The following AKAP6 variants were observed in gnomAD, a reference collection of about 807,000 sequenced individuals.
AKAP6 encodes the protein A-kinase anchoring protein 6.
AKAP6 carries 58 observed loss-of-function variants against 188.5 expected under a neutral mutation model. The observed-to-expected ratio is 0.31, with a 90% CI of 0.25 to 0.38. The LOEUF is 0.38. Among genes scored for constraint, AKAP6 ranks in the 10% least tolerant of loss-of-function variants. AKAP6 has a pLI of 1.00. For synonymous variants in AKAP6, 989 were observed against 998.6 expected (o/e 0.99, Z 0.18); for missense variants, 2,710 against 2,740.0 (o/e 0.99, Z 0.24).
intron 1 of AKAP6, among the ~76,000 whole-genome samples, chr14:32,411,012 A>G (rs895050601): frequency 1.3e-5 from 2 of 152,198 alleles, no homozygotes; most frequent in African/African-American, 4.8e-5. Flanking sequence ...CTCTGAGTAT[A>G]TGAGAGGGAA....
chr14:32,820,661 A>T (rs2034496041), intron 12 of AKAP6, among the ~76,000 whole-genome samples: 1 of 152,162 alleles, frequency 6.6e-6, no homozygotes, highest in South Asian at 2.1e-4. Flanking sequence ...TGTCACAGAT[A>T]GAGACTGGAA....
intron 2 of AKAP6, chr14:32,474,402 T>A (rs1183124687): frequency 6.6e-6 from 1 of 151,588 alleles, no homozygotes; most frequent in East Asian, 1.9e-4. Context: ...GTAGAATAAG[T>A]GAACCATATG....
intron 12 of AKAP6, among the ~76,000 whole-genome samples, chr14:32,815,763 C>T (rs2034362257): frequency 1.3e-5 from 2 of 152,208 alleles, no homozygotes; most frequent in Admixed American, 6.5e-5. Flanking sequence ...GGCTGCCAGT[C>T]ATTCCACCCC....
At chr14:32,365,637 G>A (rs953343801) in intron 1 of AKAP6, among the ~76,000 whole-genome samples, 9 of 152,192 alleles carry the variant, frequency 5.9e-5, no homozygotes, top group African/African-American at 1.4e-4. Flanking sequence ...CACTTGTACC[G>A]AAGTCGACTG....
In AKAP6 at chr14:32,735,678, C is replaced by A. The variant is rs199940158; in HGVS notation, c.3168C>A (p.Ile1056=). The A allele has an allele frequency of 9.8e-5, 158 of 1,607,038 alleles. No homozygotes were observed. Among genetic ancestry groups the A allele is most frequent in the Middle Eastern group, 6.7e-4 (4 of 6,006 alleles). The change falls in exon 11 of 14, where the codon ATC becomes ATA. Residue 1056 remains isoleucine (I), a synonymous_variant. Transcript: ENST00000280979. Reference sequence around the variant, plus strand: ...ATTAGAAAACCCTAGGAGAGAAGATCCAGGACACAATGGCAGGGCACAGTG... The same window carrying A: ...ATTAGAAAACCCTAGGAGAGAAGATACAGGACACAATGGCAGGGCACAGTG... ...ELLGKTLGEK[I]QDTMAGHSGS... is the part of the protein sequence containing the mutation.
At chr14:32,827,202 C>A (rs1385434740) in intron 13 of AKAP6, among the ~76,000 whole-genome samples, 3 of 152,102 alleles carry the variant, frequency 2.0e-5, no homozygotes, top group Non-Finnish European at 4.4e-5. Context: ...GGTTTCATGT[C>A]TACAAGAGCT....
rs2034883724 is a variant in AKAP6 at position 32,837,206 on chromosome 14, A to G, written c.*7401A>G. 1.3e-5 allele frequency: 2 copies of G among 152,234 alleles called. No individual in the cohort carries two copies. The highest frequency in any genetic ancestry group is 4.1e-4 in the South Asian group (2 of 4,832). 9.4% of individuals were successfully genotyped at this position (152,234 alleles called of 1,614,324 possible). On this transcript the variant is annotated 3_prime_UTR_variant, in exon 14 of 14. Transcript: ENST00000280979. ...TAATTTTTCCATACCATTAAGATGTATGATAATGGATTTTATTAATTTAAC... is the reference window on the plus strand; with the variant it reads ...TAATTTTTCCATACCATTAAGATGTGTGATAATGGATTTTATTAATTTAAC...
At chr14:32,574,286 C>T (rs1884626204) in intron 4 of AKAP6, among the ~76,000 whole-genome samples, 1 of 151,992 alleles carries the variant, frequency 6.6e-6, no homozygotes, top group African/African-American at 2.4e-5. Context: ...CAGAAGAAAC[C>T]CAGAGAGAAT....
intron 4 of AKAP6, among the ~76,000 whole-genome samples, chr14:32,567,545 AAAT>A (rs1884256519): frequency 6.6e-6 from 1 of 152,164 alleles, no homozygotes; most frequent in Non-Finnish European, 1.5e-5. Context: ...TTTTTTCTAA[AAAT>A]AATAACTTTA....
At chr14:32,373,011 A>C (rs1422147693) in intron 1 of AKAP6, among the ~76,000 whole-genome samples, 2 of 151,780 alleles carry the variant, frequency 1.3e-5, no homozygotes, top group Admixed American at 6.6e-5. Flanking sequence ...CCTTGGTAGA[A>C]ATTTTGAGAG....
At chr14:32,361,624 A>G (rs1267389779) in intron 1 of AKAP6, among the ~76,000 whole-genome samples, 2 of 152,200 alleles carry the variant, frequency 1.3e-5, no homozygotes, top group Non-Finnish European at 2.9e-5. Flanking sequence ...TCCTTCCTGT[A>G]GGGGATATTT....
At chr14:32,365,208 A>T (rs1458063315) in intron 1 of AKAP6, among the ~76,000 whole-genome samples, 1 of 152,156 alleles carries the variant, frequency 6.6e-6, no homozygotes, top group African/African-American at 2.4e-5. Context: ...GAGCTACAGG[A>T]TGGCAGTAAC....
chr14:32,630,168 C>T (rs1048780751), intron 7 of AKAP6, among the ~76,000 whole-genome samples: 4 of 151,988 alleles, frequency 2.6e-5, no homozygotes, highest in Admixed American at 6.6e-5. Flanking sequence ...AACACGTAGA[C>T]GTTTTAATTG....
intron 2 of AKAP6, among the ~76,000 whole-genome samples, chr14:32,464,958 C>G (rs944174195): frequency 6.0e-5 from 9 of 151,162 alleles, no homozygotes; most frequent in African/African-American, 2.2e-4. Context: ...AATAGACAAA[C>G]AGTCAAATCA....
intron 2 of AKAP6, among the ~76,000 whole-genome samples, chr14:32,465,762 C>CA (rs543146832): frequency 2.0e-5 from 3 of 152,132 alleles, no homozygotes; most frequent in South Asian, 4.2e-4. Context: ...AGCTTCTGCA[C>CA]GCAAAAGAAA....
At chr14:32,729,286 A>T (rs1398149439) in intron 9 of AKAP6, among the ~76,000 whole-genome samples, 7 of 151,980 alleles carry the variant, frequency 4.6e-5, no homozygotes, top group African/African-American at 1.7e-4. Flanking sequence ...AAAAAAAAGG[A>T]GGGGGACTTC....
chr14:32,530,218 G>C (rs937755527), intron 2 of AKAP6, among the ~76,000 whole-genome samples: 3 of 151,856 alleles, frequency 2.0e-5, no homozygotes, highest in Admixed American at 6.6e-5. Context: ...TATAGTGATG[G>C]GGTCTCCTGT....
At chr14:32,475,947 T>C (rs1879045279) in intron 2 of AKAP6, among the ~76,000 whole-genome samples, 1 of 152,046 alleles carries the variant, frequency 6.6e-6, no homozygotes, top group African/African-American at 2.4e-5. Context: ...CCTCCCAAAG[T>C]GCTGGGATTA....
At chr14:32,442,602 G>A (rs1193821495) in intron 2 of AKAP6, 1 of 150,776 alleles carries the variant, frequency 6.6e-6, no homozygotes, top group Non-Finnish European at 1.5e-5. Context: ...AATAGCCCCT[G>A]CACTCCAGCC....
Sources: gnomAD v4.1 joint callset for allele counts (sites outside exome capture counted in the v4.1 genomes callset) on GRCh38, gnomAD v4.1.1 for gene constraint, MANE v1.5 for transcripts, NCBI Gene and HGNC (gene_info 2026-07-23, HGNC 2026-07-21) for gene names.